The following KCNC4 variants were observed in gnomAD, a reference collection of about 807,000 sequenced individuals.
The protein encoded by KCNC4 is voltage-gated potassium channel KCNC4.
Under a neutral mutation model 42.8 loss-of-function variants are expected in KCNC4, and 23 were observed. The observed-to-expected ratio is 0.54, with a 90% CI of 0.39 to 0.76. The LOEUF is 0.76. Ranked by LOEUF, KCNC4 falls within the 30% of genes least tolerant of loss-of-function variation. The pLI, the probability that KCNC4 is intolerant of heterozygous loss-of-function variation, is 0.00. For missense variants in KCNC4, 751 were observed against 898.2 expected, an observed-to-expected ratio of 0.84 and a Z score of 2.10; for synonymous variants, 422 against 393.5, an observed-to-expected ratio of 1.07 and a Z score of -0.86.
chr1:110,223,084 A>T lies in KCNC4; in HGVS notation c.799A>T (p.Thr267Ser), dbSNP rs771974049. Reference protein sequence around the residue: ...VTEILRVGNITSVHFRREVET... With the variant: ...VTEILRVGNISSVHFRREVET... ...AGAGATCCTCCGCGTAGGGAACATC[A>T]CCAGCGTGCACTTCCGGCGGGAGGT... Residue 267 changes from threonine (T) to serine (S), a missense_variant, in exon 2 of 4, where the codon ACC becomes TCC. Thr to Ser is a moderately conservative substitution (Grantham distance 58). Coordinates refer to ENST00000438661, the MANE Select transcript of KCNC4 (RefSeq NM_001039574.3). The surrounding 1 kb of genome is among the most constrained non-coding windows in gnomAD (Gnocchi z 7.5). The T allele has an allele frequency of 1.2e-6, 2 of 1,614,116 alleles. No individual in the cohort carries two copies. Among genetic ancestry groups the T allele is most frequent in the Non-Finnish European group, 1.7e-6 (2 of 1,180,020 alleles).
intron 3 of KCNC4, chr1:110,232,300 GC>G (rs768171666): frequency 6.2e-7 from 1 of 1,613,432 alleles, no homozygotes; most frequent in Non-Finnish European, 8.5e-7. Context: ...CTCTGTTCCT[GC>G]CACATTGAGG....
At chr1:110,217,937 G>T (rs946746179) in intron 1 of KCNC4, among the ~76,000 whole-genome samples, 7 of 152,164 alleles carry the variant, frequency 4.6e-5, no homozygotes, top group African/African-American at 1.7e-4. Flanking sequence ...CAAGGATCTT[G>T]CTTCCCTGGA....
At chr1:110,280,525 A>G (rs779110325) in intron 1 of KCNC4, among the ~76,000 whole-genome samples, 12 of 152,094 alleles carry the variant, frequency 7.9e-5, no homozygotes, top group Middle Eastern at 3.2e-3. Flanking sequence ...GAAACCCCTG[A>G]GGACAGAGGC....
chr1:110,218,679 T>G (rs1408591131), intron 1 of KCNC4, among the ~76,000 whole-genome samples: 2 of 152,174 alleles, frequency 1.3e-5, no homozygotes, highest in Non-Finnish European at 2.9e-5. Context: ...ATGAAGACCT[T>G]AAGGCTTGGA....
chr1:110,215,088 G>A (rs1657713815), intron 1 of KCNC4, among the ~76,000 whole-genome samples: 3 of 152,282 alleles, frequency 2.0e-5, no homozygotes, highest in Admixed American at 6.5e-5. Context: ...TCTGCCCTGA[G>A]GCGTCCTTTC....
At chr1:110,213,681 G>A (rs1269619555) in intron 1 of KCNC4, among the ~76,000 whole-genome samples, 4 of 152,246 alleles carry the variant, frequency 2.6e-5, no homozygotes, top group Non-Finnish European at 4.4e-5. Flanking sequence ...TTCTTTCCTT[G>A]CAGCCCTGAG....
At chr1:110,267,820 A>G (rs1356623725) in intron 1 of KCNC4, among the ~76,000 whole-genome samples, 1 of 152,238 alleles carries the variant, frequency 6.6e-6, no homozygotes, top group Non-Finnish European at 1.5e-5. Context: ...CTGGAGGCCA[A>G]TATAACTATG....
At chr1:110,232,172 T>G in intron 3 of KCNC4, 1 of 1,584,402 alleles carries the variant, frequency 6.3e-7, no homozygotes, top group South Asian at 1.1e-5. Context: ...CTCTGAGGGG[T>G]TGGGTTTCTC....
intron 3 of KCNC4, 116 bp downstream of exon 3, chr1:110,226,294 GC>G: frequency 1.3e-6 from 1 of 785,406 alleles, no homozygotes; most frequent in Non-Finnish European, 2.2e-6. Context: ...CATCTCCTCT[GC>G]CTTGGATGCA....
At chr1:110,255,624 A>C (rs1659316633) in intron 1 of KCNC4, among the ~76,000 whole-genome samples, 1 of 152,112 alleles carries the variant, frequency 6.6e-6, no homozygotes, top group Non-Finnish European at 1.5e-5. Context: ...GTTTCCATTC[A>C]GTGTCTCAAA....
rs1361739100 is a variant in KCNC4, at chr1:110,222,914, C to T, written c.679-50C>T. On this transcript the variant is annotated intron_variant, in intron 1 of 3. Coordinates refer to ENST00000438661, the MANE Select transcript of KCNC4 (RefSeq NM_001039574.3). ...AGAAGTCCACGTCCCCAGCTGGGCC[C>T]ATCCATCCCTGTCTGACAGCTGCCC... is the stretch of plus-strand genomic sequence containing the variant. 17 of 1,433,586 alleles carry T rather than the reference C, an allele frequency of 1.2e-5. No homozygotes were observed. In the South Asian group the frequency reaches 1.9e-4, roughly 16 times the overall value. 88.8% of individuals were successfully genotyped at this position (1,433,586 alleles called of 1,614,324 possible).
chr1:110,278,077 G>A (rs1227502151), intron 1 of KCNC4, among the ~76,000 whole-genome samples: 1 of 151,614 alleles, frequency 6.6e-6, no homozygotes, highest in Non-Finnish European at 1.5e-5. Flanking sequence ...AGCCCAGGAG[G>A]TCGAGGCTGC....
chr1:110,232,711 G>C, intron 3 of KCNC4, 200 bp from the exon 4 acceptor site: 1 of 1,501,130 alleles, frequency 6.7e-7, no homozygotes, highest in Non-Finnish European at 8.9e-7. Context: ...TTTAGCCCTG[G>C]GTTCCTCATG....
chr1:110,225,021 C>T (rs1418624731), intron 2 of KCNC4: 1 of 152,250 alleles, frequency 6.6e-6, no homozygotes, highest in Non-Finnish European at 1.5e-5. Context: ...GATAGAAGAG[C>T]ATCCATCAGG....
At chr1:110,213,893 G>T (rs1396419108) in intron 1 of KCNC4, among the ~76,000 whole-genome samples, 4 of 152,194 alleles carry the variant, frequency 2.6e-5, no homozygotes, top group Admixed American at 2.0e-4. Flanking sequence ...ATGGGGAAAG[G>T]GGACAAACCA....
rs146318129 is a variant in KCNC4, at chr1:110,226,159, C to T, written c.1800C>T (p.Ala600=). 3.0e-5 allele frequency: 48 copies of T among 1,614,132 alleles called. No homozygotes were observed. The highest frequency in any genetic ancestry group is 1.8e-4 in the South Asian group (16 of 91,068). ...FLLSTGDYAC[A]DGSVRKETCQ... is the part of the protein sequence containing the mutation. ...TCAGCACTGGGGACTATGCCTGCGCCGATGGTAGTGTCCGGAAAGGTATGG... is the reference window on the plus strand; with the variant it reads ...TCAGCACTGGGGACTATGCCTGCGCTGATGGTAGTGTCCGGAAAGGTATGG... Residue 600 remains alanine (A), a synonymous_variant, in exon 3 of 4, where the codon GCC becomes GCT. Coordinates refer to ENST00000438661, the MANE Select transcript of KCNC4 (RefSeq NM_001039574.3).
At chr1:110,247,557 T>TTTTC (rs71878403) in exon 4 of KCNC4, 38,601 of 80,076 alleles carry the variant, frequency 0.48, 6,805 homozygotes, top group Non-Finnish European at 0.53. Context: ...TCTTTTTTCT[T>TTTTC]TTTTTTTTTT....
At chr1:110,215,235 G>C (rs917479647) in intron 1 of KCNC4, among the ~76,000 whole-genome samples, 6 of 152,246 alleles carry the variant, frequency 3.9e-5, no homozygotes, top group African/African-American at 1.4e-4. Context: ...CGCTCAGGCA[G>C]GCTCCTGGAC....
At chr1:110,262,840 T>G (rs1659477974) in intron 1 of KCNC4, among the ~76,000 whole-genome samples, 1 of 152,190 alleles carries the variant, frequency 6.6e-6, no homozygotes, top group African/African-American at 2.4e-5. Context: ...AGTGCTTACC[T>G]GCACAGTCAG....
Sources: gnomAD v4.1 joint callset for allele counts (sites outside exome capture counted in the v4.1 genomes callset) on GRCh38, gnomAD v4.1.1 for gene constraint, Gnocchi (gnomAD v3.1) non-coding constraint, MANE v1.5 for transcripts, NCBI Gene and HGNC (gene_info 2026-07-23, HGNC 2026-07-21) for gene names.